OPCML: variants seen among roughly 807,000 people sequenced by gnomAD.
OPCML encodes opioid binding protein/cell adhesion molecule like, also known as opioid-binding protein/cell adhesion molecule.
Under a neutral mutation model 37.8 loss-of-function variants are expected in OPCML, and 13 were observed. The observed-to-expected ratio is 0.34, with a 90% CI of 0.22 to 0.55. The LOEUF (loss-of-function observed/expected upper bound fraction) is 0.55, where lower values mean the gene tolerates loss of function less well. OPCML is among the 20% of genes least tolerant of loss of function. OPCML has a pLI of 0.91. For synonymous variants in OPCML, 176 were observed against 168.8 expected (o/e 1.04, Z -0.33); for missense variants, 341 against 435.6 (o/e 0.78, Z 1.93).
chr11:133,014,863 G>T (rs1278464477), intron 1 of OPCML, among the ~76,000 whole-genome samples: 1 of 152,168 alleles, frequency 6.6e-6, no homozygotes, highest in African/African-American at 2.4e-5. Context: ...TACTGTCCTA[G>T]TATTGGTGCC....
chr11:133,086,002 C>A (rs538641074), intron 1 of OPCML, among the ~76,000 whole-genome samples: 1 of 152,272 alleles, frequency 6.6e-6, no homozygotes, highest in South Asian at 2.1e-4. Flanking sequence ...TTTATTCCAT[C>A]CTCAGAGAAA....
At chr11:132,508,120 G>A (rs191498122) in intron 4 of OPCML, among the ~76,000 whole-genome samples, 98 of 152,142 alleles carry the variant, frequency 6.4e-4, no homozygotes, top group Non-Finnish European at 1.0e-3. Context: ...CAAAGTAACC[G>A]TTAACCATTA....
intron 1 of OPCML, among the ~76,000 whole-genome samples, chr11:133,224,871 T>G (rs955533276): frequency 1.1e-4 from 17 of 152,214 alleles, no homozygotes; most frequent in Non-Finnish European, 2.4e-4. Context: ...GGTAATCCTC[T>G]TTCCATCATC....
At chr11:133,178,856 C>T (rs1035566090) in intron 1 of OPCML, among the ~76,000 whole-genome samples, 3 of 152,142 alleles carry the variant, frequency 2.0e-5, no homozygotes, top group Non-Finnish European at 4.4e-5. Context: ...GCATGCAGGG[C>T]TTACAGAAAC....
chr11:132,972,970 A>T (rs1276048432), intron 1 of OPCML, among the ~76,000 whole-genome samples: 1 of 152,112 alleles, frequency 6.6e-6, no homozygotes, highest in East Asian at 1.9e-4. Flanking sequence ...GAGTGTACAC[A>T]GGTCTGAGAA....
intron 1 of OPCML, among the ~76,000 whole-genome samples, chr11:133,074,304 C>T (rs979012647): frequency 6.6e-6 from 1 of 152,206 alleles, no homozygotes; most frequent in Non-Finnish European, 1.5e-5. Flanking sequence ...CATATATGAG[C>T]TGGACCAGAA....
intron 2 of OPCML, among the ~76,000 whole-genome samples, chr11:132,888,007 T>C (rs1943490318): frequency 6.6e-6 from 1 of 152,136 alleles, no homozygotes; most frequent in African/African-American, 2.4e-5. Context: ...TCCTTTTCCA[T>C]TTACAGTAGG....
intron 1 of OPCML, among the ~76,000 whole-genome samples, chr11:133,123,037 G>T (rs1949445566): frequency 6.6e-6 from 1 of 152,136 alleles, no homozygotes; most frequent in African/African-American, 2.4e-5. Context: ...GTTTTTCCAT[G>T]ACTTTTTCCT....
At chr11:133,475,770 C>T (rs1235624969) in intron 1 of OPCML, among the ~76,000 whole-genome samples, 1 of 152,084 alleles carries the variant, frequency 6.6e-6, no homozygotes, top group African/African-American at 2.4e-5. Context: ...GCGTGGATGG[C>T]GGATTAGGTG....
intron 1 of OPCML, among the ~76,000 whole-genome samples, chr11:133,039,201 T>C (rs1483646568): frequency 6.6e-6 from 1 of 152,172 alleles, no homozygotes; most frequent in Non-Finnish European, 1.5e-5. Flanking sequence ...TGCCACAGCT[T>C]AGCCTTAAGA....
At chr11:133,390,143 C>T (rs1471419910) in intron 1 of OPCML, among the ~76,000 whole-genome samples, 5 of 152,224 alleles carry the variant, frequency 3.3e-5, no homozygotes, top group Non-Finnish European at 5.9e-5. Context: ...ACTGGAACAT[C>T]TGTACGTTTA....
At chr11:133,140,734 G>T (rs1223005520) in intron 1 of OPCML, among the ~76,000 whole-genome samples, 2 of 131,092 alleles carry the variant, frequency 1.5e-5, no homozygotes, top group African/African-American at 2.7e-5. Context: ...AGACGACGAC[G>T]ACGACGACGA....
chr11:133,254,228 G>A (rs180961537), intron 1 of OPCML, among the ~76,000 whole-genome samples: 19 of 152,244 alleles, frequency 1.2e-4, no homozygotes, highest in African/African-American at 3.4e-4. Flanking sequence ...TTAGGCTCCC[G>A]GGGAAAGGGG....
intron 1 of OPCML, among the ~76,000 whole-genome samples, chr11:133,040,709 G>A (rs978336680): frequency 6.6e-6 from 1 of 151,942 alleles, no homozygotes. Flanking sequence ...TTGCTTGGGC[G>A]GGGCAGTGAG....
chr11:132,765,983 C>G (rs1470944269), intron 2 of OPCML, among the ~76,000 whole-genome samples: 1 of 152,030 alleles, frequency 6.6e-6, no homozygotes, highest in Non-Finnish European at 1.5e-5. Flanking sequence ...AGCACAGGGC[C>G]AGCTTGATGG....
At chr11:133,103,131 T>C (rs1949110129) in intron 1 of OPCML, among the ~76,000 whole-genome samples, 1 of 152,332 alleles carries the variant, frequency 6.6e-6, no homozygotes, top group South Asian at 2.1e-4. Context: ...CTAATAGTGA[T>C]CTGGGGATTC....
intron 4 of OPCML, among the ~76,000 whole-genome samples, chr11:132,482,413 T>A (rs2096183990): frequency 6.6e-6 from 1 of 151,856 alleles, no homozygotes; most frequent in African/African-American, 2.4e-5. Context: ...GGATCTGAAA[T>A]TGTGGCAATA....
chr11:133,453,300 G>A (rs77343585), intron 1 of OPCML, among the ~76,000 whole-genome samples: 3,715 of 152,226 alleles, frequency 0.024, 142 homozygotes, highest in African/African-American at 0.085. Flanking sequence ...AAATAAATAC[G>A]TGCATTTTAA....
At chr11:132,535,565 T>G (rs897647182) in intron 3 of OPCML, among the ~76,000 whole-genome samples, 1 of 152,124 alleles carries the variant, frequency 6.6e-6, no homozygotes, top group African/African-American at 2.4e-5. Context: ...TATTATCTAA[T>G]TTGTTCTTGA....
Sources: allele counts gnomAD v4.1 joint callset (sites outside exome capture counted in the v4.1 genomes callset), GRCh38; gene constraint gnomAD v4.1.1; transcripts MANE v1.5; gene names NCBI Gene and HGNC (gene_info 2026-07-23, HGNC 2026-07-21).